The following SH3RF2 variants were observed in gnomAD, a reference collection of about 807,000 sequenced individuals.
The protein encoded by SH3RF2 is E3 ubiquitin-protein ligase SH3RF2.
SH3RF2 carries 43 observed loss-of-function variants against 59.0 expected under a neutral mutation model. The observed-to-expected ratio is 0.73, with a 90% CI of 0.57 to 0.94. The LOEUF is 0.94. Among genes scored for constraint, SH3RF2 ranks in the 40% least tolerant of loss-of-function variants. The pLI, the probability that SH3RF2 is intolerant of heterozygous loss-of-function variation, is 0.00. For synonymous variants in SH3RF2, 391 were observed against 391.5 expected, an observed-to-expected ratio of 1.00 and a Z score of 0.01; for missense variants, 930 against 940.1, an observed-to-expected ratio of 0.99 and a Z score of 0.14.
intron 2 of SH3RF2, among the ~76,000 whole-genome samples, chr5:145,981,985 T>C (rs1342799387): frequency 3.3e-5 from 5 of 152,248 alleles, no homozygotes; most frequent in African/African-American, 1.2e-4. Flanking sequence ...TAGTCTATAT[T>C]GCAGGCTTAC....
chr5:145,998,694 T>C (rs1246328023), intron 2 of SH3RF2, among the ~76,000 whole-genome samples: 1 of 152,180 alleles, frequency 6.6e-6, no homozygotes, highest in Non-Finnish European at 1.5e-5. Context: ...GGGTGGATCA[T>C]GAGGTCAGGA....
intron 2 of SH3RF2, among the ~76,000 whole-genome samples, chr5:145,941,869 C>T (rs1215984157): frequency 6.6e-6 from 1 of 152,182 alleles, no homozygotes; most frequent in East Asian, 1.9e-4. Context: ...CAGAGACTGG[C>T]TCATATTAAG....
chr5:146,075,382 A>C (rs1159338954), intron 9 of SH3RF2, among the ~76,000 whole-genome samples: 1 of 152,206 alleles, frequency 6.6e-6, no homozygotes, highest in East Asian at 1.9e-4. Context: ...CCCCCATGTT[A>C]ATCGTAGAAA....
chr5:146,080,510 C>T (rs1314874158), exon 10 of SH3RF2: 2 of 152,040 alleles, frequency 1.3e-5, no homozygotes, highest in East Asian at 1.9e-4. Flanking sequence ...ATATATAAAA[C>T]ATATAAAAAA....
intron 5 of SH3RF2, among the ~76,000 whole-genome samples, chr5:146,032,919 T>C (rs923339354): frequency 6.6e-6 from 1 of 152,158 alleles, no homozygotes; most frequent in South Asian, 2.1e-4. Flanking sequence ...CTTCCAGACC[T>C]TGGAGCCAGC....
At chr5:145,956,490 G>A (rs1276643759) in intron 2 of SH3RF2, among the ~76,000 whole-genome samples, 1 of 152,024 alleles carries the variant, frequency 6.6e-6, no homozygotes, top group Non-Finnish European at 1.5e-5. Flanking sequence ...TGGCCAGGCT[G>A]GTCTCAAACT....
chr5:145,961,136 T>C (rs577314458), intron 2 of SH3RF2, among the ~76,000 whole-genome samples: 11 of 149,696 alleles, frequency 7.3e-5, no homozygotes, highest in African/African-American at 2.5e-4. Flanking sequence ...TTGAAGACAG[T>C]GGGATTTTTT....
At position 145,940,398 on chromosome 5, in the gene SH3RF2, C is replaced by T. The variant is rs187789942; in HGVS notation, c.378+2092C>T. 1.1e-3 allele frequency among the ~76,000 whole-genome samples: 174 copies of T among 152,314 alleles called. 1 individual carries two copies. The highest frequency in any genetic ancestry group is 3.9e-3 in the African/African-American group (164 of 41,578). ...TGTCAATATGGCTGCTGTTCTGCAACGTGCCTCTGCTCCCAAAAATATTAC... is the reference window on the plus strand; with the variant it reads ...TGTCAATATGGCTGCTGTTCTGCAATGTGCCTCTGCTCCCAAAAATATTAC... On this transcript the variant is annotated intron_variant, in intron 2 of 9. Coordinates refer to ENST00000359120, the MANE Select transcript of SH3RF2 (RefSeq NM_152550.4).
intron 5 of SH3RF2, among the ~76,000 whole-genome samples, chr5:146,029,207 G>A (rs1449087206): frequency 1.3e-5 from 2 of 152,198 alleles, no homozygotes; most frequent in African/African-American, 2.4e-5. Context: ...GAGGAACTGA[G>A]ACTCAGAGAG....
At chr5:145,990,910 T>G (rs539255450) in intron 2 of SH3RF2, among the ~76,000 whole-genome samples, 2 of 152,184 alleles carry the variant, frequency 1.3e-5, no homozygotes, top group Non-Finnish European at 2.9e-5. Context: ...TGAGAGCTAA[T>G]GTTGAACTTG....
intron 2 of SH3RF2, among the ~76,000 whole-genome samples, chr5:145,969,248 T>C (rs1758977006): frequency 6.6e-6 from 1 of 152,186 alleles, no homozygotes; most frequent in African/African-American, 2.4e-5. Context: ...GAGTTTAGAA[T>C]TTTACTGGAA....
chr5:145,964,312 CT>C (rs750453314), intron 2 of SH3RF2, among the ~76,000 whole-genome samples: 6,042 of 110,774 alleles, frequency 0.055, 564 homozygotes, highest in African/African-American at 0.21. Context: ...TCCTTTCTTT[CT>C]TTTTTTTTTT....
rs544421881 is a variant in SH3RF2, at chr5:145,950,635, C to T, written c.378+12329C>T. Among the ~76,000 whole-genome samples, 9 of 151,830 alleles carry T rather than the reference C, an allele frequency of 5.9e-5. 1 individual carries two copies. In the South Asian group the frequency reaches 1.3e-3, roughly 21 times the overall value. On this transcript the variant is annotated intron_variant, in intron 2 of 9. Transcript: ENST00000359120. ...TGATCTGGACAATAGAAATAAAAAC[C>T]GGAGAAGAAGGAGGAGAAAAGGGAG...
chr5:145,958,506 A>T (rs1280860876), intron 2 of SH3RF2, among the ~76,000 whole-genome samples: 14 of 152,132 alleles, frequency 9.2e-5, no homozygotes, highest in Admixed American at 9.2e-4. Context: ...CAGCAAAGGC[A>T]CTCCTAAACC....
chr5:146,067,802 TCCCTCAGGTCCTC>T (rs1490406154), downstream of SH3RF2, among the ~76,000 whole-genome samples: 1 of 152,074 alleles, frequency 6.6e-6, no homozygotes, highest in Non-Finnish European at 1.5e-5. Context: ...CCCCGGTCCT[TCCCTCAGGTCCTC>T]CCCATCGCTC....
intron 2 of SH3RF2, among the ~76,000 whole-genome samples, chr5:145,962,307 G>A (rs1442895192): frequency 6.6e-6 from 1 of 152,184 alleles, no homozygotes; most frequent in African/African-American, 2.4e-5. Context: ...GAGATCCTGT[G>A]CGACAAATAT....
chr5:145,993,832 T>C (rs1760046753), intron 2 of SH3RF2, among the ~76,000 whole-genome samples: 3 of 152,226 alleles, frequency 2.0e-5, no homozygotes, highest in Non-Finnish European at 2.9e-5. Flanking sequence ...CCCCCTGTCG[T>C]CTTGGGGATT....
chr5:146,009,923 C>A (rs147402582), intron 4 of SH3RF2, among the ~76,000 whole-genome samples: 12,127 of 152,148 alleles, frequency 0.08, 1,627 homozygotes, highest in African/African-American at 0.28. Flanking sequence ...TATATGTGCA[C>A]AACGTGCAGG....
intron 9 of SH3RF2, 136 bp from the exon 10 acceptor site, chr5:146,062,290 T>G: frequency 1.8e-6 from 2 of 1,114,214 alleles, no homozygotes; most frequent in Non-Finnish European, 2.6e-6. Context: ...TCCCCCATCT[T>G]AGCACTTGAC....
Sources: gnomAD v4.1 joint callset for allele counts (sites outside exome capture counted in the v4.1 genomes callset) on GRCh38, gnomAD v4.1.1 for gene constraint, MANE v1.5 for transcripts, NCBI Gene and HGNC (gene_info 2026-07-23, HGNC 2026-07-21) for gene names.